GTF2F2: variants seen among roughly 807,000 people sequenced by gnomAD.
The protein encoded by GTF2F2 is ATP-dependent helicase GTF2F2.
In GTF2F2, 23 loss-of-function variants were observed where a neutral mutation model predicts 42.2. The ratio of observed to expected loss-of-function variants is 0.55; its 90% confidence interval spans 0.39 to 0.77. The LOEUF is 0.77. GTF2F2 is among the 30% of genes least tolerant of loss of function. The probability of loss-of-function intolerance (pLI) is 0.00; values close to 1 mark genes in which losing one functional copy is unlikely to be tolerated. For missense variants in GTF2F2, 261 were observed against 287.2 expected (o/e 0.91, Z 0.66); for synonymous variants, 105 against 100.8 (o/e 1.04, Z -0.25).
At chr13:45,151,868 A>G (rs767868386) in intron 4 of GTF2F2, 37 bp downstream of exon 4, 8 of 1,028,390 alleles carry the variant, frequency 7.8e-6, no homozygotes, top group African/African-American at 5.1e-5. Context: ...TGATTCCTGT[A>G]CATTTTGTAT....
rs1490026973 is a variant in GTF2F2 at position 45,207,469 on chromosome 13, G to A, written c.350G>A (p.Arg117Gln). ...ATAGTGGTACAAAGAGCTGAATGCC[G>A]ACCAGCTGCCAGTGAAAACTACATG... is the stretch of plus-strand genomic sequence containing the variant. ...EGIVVQRAEC[R>Q]PAASENYMRL... Residue 117 changes from arginine (R) to glutamine (Q), a missense_variant, in exon 5 of 8, where the codon CGA becomes CAA. Physicochemically the swap from Arg to Gln is conservative, Grantham distance 43. Coordinates refer to ENST00000340473, the MANE Select transcript of GTF2F2 (RefSeq NM_004128.3). The A allele has an allele frequency of 7.4e-6, 12 of 1,611,126 alleles. No individual in the cohort carries two copies. The highest frequency in any genetic ancestry group is 3.3e-5 in the Admixed American group (2 of 59,964).
At chr13:45,176,819 C>T (rs1299593721) in intron 4 of GTF2F2, among the ~76,000 whole-genome samples, 1 of 151,608 alleles carries the variant, frequency 6.6e-6, no homozygotes, top group African/African-American at 2.4e-5. Context: ...GGGACGGTCT[C>T]GCTCCACCCA....
intron 2 of GTF2F2, among the ~76,000 whole-genome samples, chr13:45,137,382 G>C (rs777956161): frequency 6.6e-6 from 1 of 152,150 alleles, no homozygotes; most frequent in African/African-American, 2.4e-5. Flanking sequence ...ATTCAGATTC[G>C]TATGTCCATG....
intron 6 of GTF2F2, among the ~76,000 whole-genome samples, chr13:45,260,583 G>C (rs1171205628): frequency 1.3e-5 from 2 of 152,192 alleles, no homozygotes; most frequent in African/African-American, 4.8e-5. Context: ...CAATAATCTA[G>C]AAGTTTATAG....
In GTF2F2 at chr13:45,252,976, T is replaced by G. The variant is rs750765203; in HGVS notation, c.486+6T>G. 1.1e-5 allele frequency: 13 copies of G among 1,148,736 alleles called. No homozygotes were observed. The highest frequency in any genetic ancestry group is 4.9e-6 in the Non-Finnish European group (4 of 813,682). 71.2% of individuals were successfully genotyped at this position (1,148,736 alleles called of 1,614,324 possible). A position where few individuals can be genotyped will look rare whatever the true frequency, so the allele number is the denominator to read the frequency against. On this transcript the variant is annotated splice_donor_region_variant and intron_variant, in intron 6 of 7. Transcript: ENST00000340473. ...TTGCTAATCATCAATACAATGTAAG[T>G]CTTCTGCTTGTCTCTTTTCATTCTT...
At chr13:45,184,886 T>C (rs1006374246) in intron 4 of GTF2F2, among the ~76,000 whole-genome samples, 17 of 152,152 alleles carry the variant, frequency 1.1e-4, no homozygotes, top group African/African-American at 4.1e-4. Context: ...TAGTCATGGC[T>C]TACTGCAGCC....
chr13:45,173,202 C>T (rs1043787912), intron 4 of GTF2F2, among the ~76,000 whole-genome samples: 1 of 152,054 alleles, frequency 6.6e-6, no homozygotes, highest in African/African-American at 2.4e-5. Context: ...TGTAGATTCA[C>T]ATGTAGTTGT....
At chr13:45,281,814 C>A (rs1877273527) in intron 7 of GTF2F2, among the ~76,000 whole-genome samples, 1 of 152,234 alleles carries the variant, frequency 6.6e-6, no homozygotes, top group African/African-American at 2.4e-5. Flanking sequence ...GATGAGTCAT[C>A]ATCATACCGT....
chr13:45,187,310 A>G (rs1872467900), intron 4 of GTF2F2, among the ~76,000 whole-genome samples: 1 of 152,216 alleles, frequency 6.6e-6, no homozygotes, highest in Non-Finnish European at 1.5e-5. Flanking sequence ...TATCCAATTC[A>G]GTATCTTTTC....
chr13:45,228,283 C>CCTTTTTTTTTTTTTTTTTTTTT (rs1874468398), intron 5 of GTF2F2, among the ~76,000 whole-genome samples: 1 of 92,708 alleles, frequency 1.1e-5, no homozygotes, highest in Non-Finnish European at 2.1e-5. Context: ...CAGAGTTAAT[C>CCTTTTTTTTTTTTTTTTTTTTT]TTTTTTTTTT....
At chr13:45,191,572 A>G (rs1375634406) in intron 4 of GTF2F2, among the ~76,000 whole-genome samples, 2 of 152,080 alleles carry the variant, frequency 1.3e-5, no homozygotes, top group Non-Finnish European at 2.9e-5. Context: ...GAAAATACTA[A>G]CATTAAAATA....
intron 2 of GTF2F2, among the ~76,000 whole-genome samples, chr13:45,142,220 G>A (rs1306614230): frequency 6.6e-5 from 10 of 152,200 alleles, no homozygotes; most frequent in African/African-American, 1.2e-4. Flanking sequence ...AGGCTGGAGC[G>A]CAGTGGCGTG....
chr13:45,128,514 A>C (rs1869165743), intron 1 of GTF2F2, among the ~76,000 whole-genome samples: 1 of 151,400 alleles, frequency 6.6e-6, no homozygotes, highest in East Asian at 2.0e-4. Context: ...CGGAGGTTGC[A>C]GTGAGCCAAG....
intron 3 of GTF2F2, 122 bp from the exon 4 acceptor site, chr13:45,151,564 TA>T: frequency 1.7e-6 from 1 of 589,868 alleles, no homozygotes. Flanking sequence ...GAGTTTTTAA[TA>T]AAGTGTTTAA....
chr13:45,247,300 C>CT (rs1875676059), intron 5 of GTF2F2, among the ~76,000 whole-genome samples: 1 of 152,012 alleles, frequency 6.6e-6, no homozygotes, highest in Admixed American at 6.5e-5. Context: ...TATCACGCCA[C>CT]TGCACTCCAG....
intron 4 of GTF2F2, among the ~76,000 whole-genome samples, chr13:45,175,843 C>T (rs1374465985): frequency 6.6e-6 from 1 of 152,076 alleles, no homozygotes; most frequent in Non-Finnish European, 1.5e-5. Flanking sequence ...GGGCTGGTCT[C>T]GAACTCCCGA....
chr13:45,133,438 AAAGGAAT>A (rs1869463514), intron 1 of GTF2F2, among the ~76,000 whole-genome samples: 1 of 152,240 alleles, frequency 6.6e-6, no homozygotes. Flanking sequence ...GCCAGGACAC[AAAGGAAT>A]GTGCTCTGGA....
intron 6 of GTF2F2, among the ~76,000 whole-genome samples, chr13:45,260,977 T>C (rs904610719): frequency 6.6e-5 from 10 of 152,052 alleles, no homozygotes; most frequent in African/African-American, 2.4e-4. Context: ...AATACAAAAA[T>C]TAGCCAGGCA....
chr13:45,218,491 G>A (rs895903671), intron 5 of GTF2F2, among the ~76,000 whole-genome samples: 3 of 152,094 alleles, frequency 2.0e-5, no homozygotes, highest in Admixed American at 6.6e-5. Flanking sequence ...TTAACACAAC[G>A]TCATTGTGCA....
Sources: allele counts gnomAD v4.1 joint callset (sites outside exome capture counted in the v4.1 genomes callset), GRCh38; gene constraint gnomAD v4.1.1; transcripts MANE v1.5; gene names NCBI Gene and HGNC (gene_info 2026-07-23, HGNC 2026-07-21).